Variants in RBFOX1 observed in about 807,000 individuals in gnomAD.
RBFOX1 encodes RNA binding protein fox-1 homolog 1.
RBFOX1 carries 8 observed loss-of-function variants against 57.7 expected under a neutral mutation model. The ratio of observed to expected loss-of-function variants is 0.14; its 90% CI spans 0.08 to 0.25. The LOEUF (loss-of-function observed/expected upper bound fraction) is 0.25, where lower values mean the gene tolerates loss of function less well. Ranked by LOEUF, RBFOX1 falls within the 10% of genes least tolerant of loss-of-function variation. The probability of loss-of-function intolerance (pLI) is 1.00; values close to 1 mark genes in which losing one functional copy is unlikely to be tolerated. For synonymous variants in RBFOX1, 326 were observed against 222.4 expected (o/e 1.47, Z -4.15); for missense variants, 611 against 548.5 (o/e 1.11, Z -1.14).
At chr16:6,088,217 G>C (rs558041779) in intron 1 of RBFOX1, among the ~76,000 whole-genome samples, 13 of 151,158 alleles carry the variant, frequency 8.6e-5, no homozygotes, top group Non-Finnish European at 1.5e-4. Flanking sequence ...TTTCTCAGCT[G>C]TATTGCCTCA....
intron 4 of RBFOX1, among the ~76,000 whole-genome samples, chr16:7,386,239 G>T (rs1266499462): frequency 5.3e-5 from 8 of 152,144 alleles, no homozygotes. Context: ...TTGAAGTACT[G>T]GTCCTTTATG....
At chr16:6,163,347 G>A (rs773159604) in intron 1 of RBFOX1, among the ~76,000 whole-genome samples, 6 of 152,182 alleles carry the variant, frequency 3.9e-5, no homozygotes, top group Non-Finnish European at 8.8e-5. Context: ...GCTTTTGGGA[G>A]CATGTTAAAA....
chr16:7,124,523 TCCCC>T (rs2067966237), intron 4 of RBFOX1, among the ~76,000 whole-genome samples: 6 of 22,472 alleles, frequency 2.7e-4, no homozygotes, highest in African/African-American at 6.7e-4. Flanking sequence ...TCCCCTCCCC[TCCCC>T]TCCTTCCTTC....
rs2095031808 is a variant in RBFOX1, at chr16:6,019,836, C to T, written c.-283C>T. 11 of 1,523,626 alleles carry T rather than the reference C, an allele frequency of 7.2e-6. No homozygotes were observed. Among genetic ancestry groups the T allele is most frequent in the Non-Finnish European group, 8.8e-6 (10 of 1,139,906 alleles). The allele number at this position is 1,523,626 out of a possible 1,614,324, so 94.4% of individuals were successfully genotyped here. A position where few individuals can be genotyped will look rare whatever the true frequency, so the allele number is the denominator to read the frequency against. On this transcript the variant is annotated 5_prime_UTR_variant, in exon 1 of 16. Transcript: ENST00000550418. This position sits in a 1 kb window ranked among gnomAD's most constrained non-coding sequence, Gnocchi z 4.2. ...GGCAGGCGCGCCAGGGCGGGGCTGA[C>T]CTGCCCGCGAAGTTGCGGACAGTGC...
chr16:6,884,969 GATCT>G (rs1345722815), intron 3 of RBFOX1, among the ~76,000 whole-genome samples: 1 of 152,124 alleles, frequency 6.6e-6, no homozygotes, highest in Non-Finnish European at 1.5e-5. Context: ...CCGCAACCCA[GATCT>G]ATCTTATTCT....
chr16:5,586,489 C>G lies in RBFOX1; in HGVS notation c.259-12413C>G, dbSNP rs577103384. ...TTACTAACTATTGCTATTATTATCC[C>G]TAATTTTATTTGTTCATTCATTCGT... On this transcript the variant is annotated intron_variant, in intron 2 of 2. Coordinates refer to the RBFOX1 transcript ENST00000585867. Among the ~76,000 whole-genome samples the G allele has an allele frequency of 4.6e-5, 7 of 152,212 alleles. No individual in the cohort carries two copies. In the East Asian group the frequency reaches 7.7e-4, roughly 17 times the overall value.
chr16:5,353,816 C>T (rs368155054), intron 1 of RBFOX1, among the ~76,000 whole-genome samples: 50 of 152,030 alleles, frequency 3.3e-4, no homozygotes, highest in African/African-American at 1.1e-3. Context: ...TGCTCGCATC[C>T]GGTCTCCTGT....
intron 2 of RBFOX1, among the ~76,000 whole-genome samples, chr16:5,523,996 A>G (rs2044132379): frequency 6.6e-6 from 1 of 152,290 alleles, no homozygotes; most frequent in East Asian, 1.9e-4. Flanking sequence ...TGGTCTTTAA[A>G]CATACCACTC....
rs4479228 is a variant in RBFOX1 at position 6,236,183 on chromosome 16, G to A, written c.-126-80812G>A. On this transcript the variant is annotated intron_variant, in intron 1 of 15. Transcript: ENST00000550418. ...AGAAGAGCAACATCTGACTTTTACT[G>A]AGCTCAGTATGCCTTTGTTGTTGAA... is the stretch of plus-strand genomic sequence containing the variant. 7.7e-3 allele frequency among the ~76,000 whole-genome samples: 1,167 copies of A among 152,154 alleles called. 17 individuals carry two copies. Among genetic ancestry groups the A allele is most frequent in the African/African-American group, 0.025 (1,030 of 41,512 alleles).
chr16:7,217,409 A>G (rs4556806), intron 4 of RBFOX1, among the ~76,000 whole-genome samples: 123,600 of 150,526 alleles, frequency 0.82, 51,473 homozygotes, highest in East Asian at 0.96. Context: ...GATTACAGGC[A>G]TGAACCACCA....
rs190749606 is a variant in RBFOX1, at chr16:6,919,157, T to G, written c.-15-132900T>G. On this transcript the variant is annotated intron_variant, in intron 3 of 15. Coordinates refer to ENST00000550418, the MANE Select transcript of RBFOX1 (RefSeq NM_018723.4). ...ATCGTGCCTGGCTAGTTTTTTGTAT[T>G]GTTTTTTTGGAGATGGGGTTTCACC... 3.9e-5 allele frequency among the ~76,000 whole-genome samples: 6 copies of G among 152,074 alleles called. 2 individuals are homozygous for G. The highest frequency in any genetic ancestry group is 1.4e-4 in the African/African-American group (6 of 41,486).
At chr16:5,514,560 C>T (rs914793664) in intron 2 of RBFOX1, among the ~76,000 whole-genome samples, 1 of 152,158 alleles carries the variant, frequency 6.6e-6, no homozygotes, top group African/African-American at 2.4e-5. Context: ...CACGAAGGAA[C>T]AGAGAGTTGG....
At chr16:5,290,206 A>C (rs1266227577) in intron 1 of RBFOX1, among the ~76,000 whole-genome samples, 1 of 152,220 alleles carries the variant, frequency 6.6e-6, no homozygotes, top group Non-Finnish European at 1.5e-5. Flanking sequence ...TACTAAAAAT[A>C]CAAAGATTAG....
chr16:7,231,398 C>T (rs183170327), intron 4 of RBFOX1, among the ~76,000 whole-genome samples: 1 of 152,258 alleles, frequency 6.6e-6, no homozygotes, highest in African/African-American at 2.4e-5. Flanking sequence ...GGGAGTATAG[C>T]TGTGTTCACT....
At chr16:6,760,065 CG>C (rs1258898112) in intron 3 of RBFOX1, among the ~76,000 whole-genome samples, 1 of 151,848 alleles carries the variant, frequency 6.6e-6, no homozygotes, top group Non-Finnish European at 1.5e-5. Flanking sequence ...GCATATGGCT[CG>C]GGGAGTCCAA....
At chr16:6,937,535 A>G (rs1378138243) in intron 3 of RBFOX1, among the ~76,000 whole-genome samples, 2 of 152,118 alleles carry the variant, frequency 1.3e-5, no homozygotes, top group Non-Finnish European at 2.9e-5. Context: ...GAGAACACAC[A>G]CCCATAGTGG....
rs2063442193 is a variant in RBFOX1, at chr16:7,105,614, A to T, written c.27+53516A>T. On this transcript the variant is annotated intron_variant, in intron 4 of 15. Coordinates refer to ENST00000550418, the MANE Select transcript of RBFOX1 (RefSeq NM_018723.4). ...CATTCCTGAGTTAGTCTGCAATCTC[A>T]TCCAGGTTGCTGCGAATGCCATTGA... Among the ~76,000 whole-genome samples, 3 of 152,202 alleles carry T rather than the reference A, an allele frequency of 2.0e-5. 1 individual carries two copies. The highest frequency in any genetic ancestry group is 1.3e-4 in the Admixed American group (2 of 15,254).
At chr16:7,564,596 G>A (rs2091251338) in intron 5 of RBFOX1, among the ~76,000 whole-genome samples, 1 of 148,944 alleles carries the variant, frequency 6.7e-6, no homozygotes. Context: ...CAGGAAGAGG[G>A]CCCTTCCCAG....
chr16:6,012,456 C>T (rs956638635), intron 4 of RBFOX1, among the ~76,000 whole-genome samples: 1 of 152,194 alleles, frequency 6.6e-6, no homozygotes, highest in African/African-American at 2.4e-5. Flanking sequence ...TATCTGTACA[C>T]ATTTGGGAGG....
Sources: gnomAD v4.1 joint callset for allele counts (sites outside exome capture counted in the v4.1 genomes callset) on GRCh38, gnomAD v4.1.1 for gene constraint, Gnocchi (gnomAD v3.1) non-coding constraint, MANE v1.5 for transcripts, NCBI Gene and HGNC (gene_info 2026-07-23, HGNC 2026-07-21) for gene names.